Variants in ZNF184 observed in about 807,000 individuals in gnomAD.
The protein encoded by ZNF184 is zinc finger protein 184.
In ZNF184, 16 loss-of-function variants were observed where a neutral mutation model predicts 54.4. The observed-to-expected ratio is 0.29, with a 90% CI of 0.20 to 0.45. The LOEUF is 0.45. Among genes scored for constraint, ZNF184 ranks in the 20% least tolerant of loss-of-function variants. The probability of loss-of-function intolerance (pLI) is 1.00; values close to 1 mark genes in which losing one functional copy is unlikely to be tolerated. For synonymous variants in ZNF184, 254 were observed against 295.3 expected (o/e 0.86, Z 1.43); for missense variants, 681 against 888.2 (o/e 0.77, Z 2.97).
chr6:27,452,221 A>G lies in ZNF184; in HGVS notation c.1338T>C (p.Tyr446=). ...AAGATTTTCCACATTCTGCACAATC[A>G]TAGGGTTTCTCCCCAGTATGAGTTT... ...HQKTHTGEKP[Y]DCAECGKSFS... is the part of the protein sequence containing the mutation. The change falls in exon 6 of 6, where the codon TAT becomes TAC. Residue 446 remains tyrosine, a synonymous_variant. Transcript: ENST00000683788. The surrounding 1 kb of genome is among the most constrained non-coding windows in gnomAD (Gnocchi z 5.5). 2 of 1,614,144 alleles carry G rather than the reference A, an allele frequency of 1.2e-6. No individual in the cohort carries two copies. The highest frequency in any genetic ancestry group is 1.7e-6 in the Non-Finnish European group (2 of 1,180,004).
the ZNF184 span, among the ~76,000 whole-genome samples, chr6:27,426,618 T>G: frequency 1.3e-5 from 2 of 150,348 alleles, no homozygotes; most frequent in Non-Finnish European, 1.5e-5. This position sits in a 1 kb window ranked among gnomAD's most constrained non-coding sequence, Gnocchi z 4.2. Flanking sequence ...ACTTATTTCA[T>G]TATCATTTTA....
chr6:27,424,187 G>T, the ZNF184 span, among the ~76,000 whole-genome samples: 2 of 152,142 alleles, frequency 1.3e-5, no homozygotes, highest in South Asian at 2.1e-4. Flanking sequence ...AGCTCTTAAG[G>T]CACCGCGTCT....
intron 3 of ZNF184, among the ~76,000 whole-genome samples, chr6:27,461,340 C>T (rs1762990583): frequency 6.6e-6 from 1 of 152,150 alleles, no homozygotes; most frequent in Non-Finnish European, 1.5e-5. Context: ...TTCTGATCCT[C>T]TTTTGTATGC....
At chr6:27,438,396 G>C in the ZNF184 span, among the ~76,000 whole-genome samples, 1 of 152,162 alleles carries the variant, frequency 6.6e-6, no homozygotes, top group Non-Finnish European at 1.5e-5. Context: ...TTTGTTCTCT[G>C]AGGAGGAAGT....
the ZNF184 span, among the ~76,000 whole-genome samples, chr6:27,430,669 C>T: frequency 2.6e-5 from 4 of 151,990 alleles, no homozygotes; most frequent in Non-Finnish European, 5.9e-5. Context: ...TAATTTTGGC[C>T]CAGTGAAACT....
intron 3 of ZNF184, among the ~76,000 whole-genome samples, chr6:27,464,868 T>A (rs1763084361): frequency 6.6e-6 from 1 of 150,758 alleles, no homozygotes; most frequent in Non-Finnish European, 1.5e-5. Flanking sequence ...TACAAAAAAA[T>A]TAGCTGGGCT....
chr6:27,424,025 C>G, the ZNF184 span, among the ~76,000 whole-genome samples: 4 of 152,148 alleles, frequency 2.6e-5, no homozygotes, highest in African/African-American at 7.2e-5. Flanking sequence ...AATGAAGCCA[C>G]GAACCCTCGC....
the ZNF184 span, among the ~76,000 whole-genome samples, chr6:27,428,373 C>G: frequency 1.3e-5 from 2 of 152,190 alleles, no homozygotes; most frequent in African/African-American, 2.4e-5. The surrounding 1 kb of genome is among the most constrained non-coding windows in gnomAD (Gnocchi z 4.1). Context: ...TGTAAAAAAT[C>G]ACCATGCACA....
intron 2 of ZNF184, 117 bp from the exon 3 acceptor site, chr6:27,468,037 AT>A: frequency 2.3e-6 from 2 of 888,382 alleles, no homozygotes; most frequent in Non-Finnish European, 3.3e-6. Flanking sequence ...TTTCCTTTAT[AT>A]TTTAGAATGC....
intron 3 of ZNF184, among the ~76,000 whole-genome samples, chr6:27,458,295 T>TAAAAAAAAAAAA (rs55966783): frequency 6.4e-5 from 4 of 62,366 alleles, no homozygotes; most frequent in African/African-American, 1.4e-4. Context: ...TTCTGCACAG[T>TAAAAAAAAAAAA]AAAAAAAAAA....
chr6:27,462,183 T>C (rs960799144), intron 3 of ZNF184, among the ~76,000 whole-genome samples: 1 of 151,944 alleles, frequency 6.6e-6, no homozygotes, highest in Non-Finnish European at 1.5e-5. Flanking sequence ...CTTAACTGCA[T>C]CCCAGAATAA....
At chr6:27,454,553 A>G (rs1043003586) in intron 5 of ZNF184, among the ~76,000 whole-genome samples, 1 of 152,244 alleles carries the variant, frequency 6.6e-6, no homozygotes, top group Non-Finnish European at 1.5e-5. Context: ...GTACTTCACA[A>G]TGAAAGATAT....
At chr6:27,461,151 G>C (rs1036755198) in intron 3 of ZNF184, among the ~76,000 whole-genome samples, 1 of 152,156 alleles carries the variant, frequency 6.6e-6, no homozygotes, top group Non-Finnish European at 1.5e-5. Flanking sequence ...AGGCCAATGT[G>C]ATCAGCAACC....
intron 3 of ZNF184, among the ~76,000 whole-genome samples, chr6:27,466,883 A>G (rs1172616158): frequency 6.6e-6 from 1 of 152,144 alleles, no homozygotes; most frequent in Non-Finnish European, 1.5e-5. Context: ...TTCTTCCATT[A>G]AAAATCATTA....
At chr6:27,436,432 G>C in the ZNF184 span, among the ~76,000 whole-genome samples, 1 of 152,166 alleles carries the variant, frequency 6.6e-6, no homozygotes, top group African/African-American at 2.4e-5. Flanking sequence ...CCAAACTGCT[G>C]GGATTACAGG....
the ZNF184 span, among the ~76,000 whole-genome samples, chr6:27,418,473 A>G: frequency 6.6e-5 from 10 of 152,268 alleles, no homozygotes; most frequent in South Asian, 2.1e-3. Context: ...GATTAGGTAA[A>G]TTTGTATTCG....
rs1198654805 is a variant in ZNF184, at chr6:27,453,518, T to A, written c.299-258A>T. On this transcript the variant is annotated intron_variant, in intron 5 of 5. Transcript: ENST00000683788. The surrounding 1 kb of genome is among the most constrained non-coding windows in gnomAD (Gnocchi z 4.7). ...CAGTAAGGAAATACATTTAAGGTAA[T>A]AGTTGACTAAAAAGGTGACAACAGA... is the stretch of plus-strand genomic sequence containing the variant. Among the ~76,000 whole-genome samples the A allele has an allele frequency of 6.6e-6, 1 of 152,182 alleles. No homozygotes were observed. The highest frequency in any genetic ancestry group is 6.5e-5 in the Admixed American group (1 of 15,274).
chr6:27,410,436 G>A, the ZNF184 span, among the ~76,000 whole-genome samples: 1 of 152,174 alleles, frequency 6.6e-6, no homozygotes, highest in Non-Finnish European at 1.5e-5. Context: ...AGGGTTCGTT[G>A]AAAAGAAATT....
chr6:27,456,967 G>A, intron 4 of ZNF184, 46 bp from the exon 5 acceptor site: 1 of 1,519,810 alleles, frequency 6.6e-7, no homozygotes, highest in Non-Finnish European at 9.1e-7. Context: ...TAAGGGGAAA[G>A]TACCATATCA....
Sources: allele counts gnomAD v4.1 joint callset (sites outside exome capture counted in the v4.1 genomes callset), GRCh38; gene constraint gnomAD v4.1.1; non-coding constraint Gnocchi (gnomAD v3.1); transcripts MANE v1.5; gene names NCBI Gene and HGNC (gene_info 2026-07-23, HGNC 2026-07-21).